The following NRG3 variants were observed in gnomAD, a reference collection of about 807,000 sequenced individuals.
The protein encoded by NRG3 is neuregulin 3.
A neutral mutation model predicts 66.9 loss-of-function variants in NRG3; 31 were observed. The observed-to-expected ratio is 0.46, with a 90% CI of 0.35 to 0.63. NRG3 has a LOEUF of 0.63. Ranked by LOEUF, NRG3 falls within the 20% of genes least tolerant of loss-of-function variation. The pLI, the probability that NRG3 is intolerant of heterozygous loss-of-function variation, is 0.00. For missense variants in NRG3, 910 were observed against 878.9 expected (o/e 1.04, Z -0.45); for synonymous variants, 393 against 359.4 (o/e 1.09, Z -1.06).
intron 4 of NRG3, among the ~76,000 whole-genome samples, chr10:82,900,836 A>C (rs1239739838): frequency 2.0e-5 from 3 of 152,202 alleles, no homozygotes; most frequent in African/African-American, 7.2e-5. Context: ...GATGACACAC[A>C]TTTTGATGAC....
chr10:81,965,140 A>G (rs2059683905), intron 1 of NRG3, among the ~76,000 whole-genome samples: 1 of 152,238 alleles, frequency 6.6e-6, no homozygotes, highest in African/African-American at 2.4e-5. Flanking sequence ...CTGAAGTATT[A>G]AAGGTCCATC....
At chr10:82,145,991 A>G (rs955576479) in intron 1 of NRG3, among the ~76,000 whole-genome samples, 2 of 152,206 alleles carry the variant, frequency 1.3e-5, no homozygotes, top group Admixed American at 6.5e-5. Context: ...TGAGGTGAAC[A>G]TTGTGATAAA....
At chr10:82,346,378 C>T (rs912762959) in intron 1 of NRG3, among the ~76,000 whole-genome samples, 4 of 140,522 alleles carry the variant, frequency 2.8e-5, no homozygotes, top group African/African-American at 6.1e-5. Context: ...TATTGATTTG[C>T]GTATATTGAA....
chr10:82,964,792 G>T (rs1054768071), intron 6 of NRG3, among the ~76,000 whole-genome samples: 1 of 152,112 alleles, frequency 6.6e-6, no homozygotes, highest in African/African-American at 2.4e-5. Flanking sequence ...CAGACCAGGC[G>T]ATTATCAGCA....
rs1446194160 is a variant in NRG3 at position 82,159,239 on chromosome 10, G to A, written c.824-199500G>A. ...CAAGTAACTAAGTTTCATATGCAAT[G>A]GTTCTCTATTGCACTCAGGAAATTA... is the stretch of plus-strand genomic sequence containing the variant. On this transcript the variant is annotated intron_variant, in intron 1 of 8. Transcript: ENST00000372141. Among the ~76,000 whole-genome samples, 4 of 151,802 alleles carry A rather than the reference G, an allele frequency of 2.6e-5. No individual in the cohort carries two copies. In the East Asian group the frequency reaches 7.7e-4, roughly 29 times the overall value.
At chr10:82,456,807 T>C (rs1177389903) in intron 2 of NRG3, among the ~76,000 whole-genome samples, 1 of 152,120 alleles carries the variant, frequency 6.6e-6, no homozygotes, top group Non-Finnish European at 1.5e-5. Context: ...GTCTCCTGAG[T>C]ACCGGGCCTG....
chr10:82,173,086 A>G (rs1297640591), intron 1 of NRG3, among the ~76,000 whole-genome samples: 1 of 152,146 alleles, frequency 6.6e-6, no homozygotes, highest in Non-Finnish European at 1.5e-5. Flanking sequence ...CACTACCATT[A>G]TAAAGCAAAG....
chr10:82,318,352 A>G (rs1411946340), intron 1 of NRG3, among the ~76,000 whole-genome samples: 1 of 152,126 alleles, frequency 6.6e-6, no homozygotes, highest in Non-Finnish European at 1.5e-5. Flanking sequence ...CCTTTCACAG[A>G]GTATATTTTC....
chr10:81,926,265 C>T (rs897087494), intron 1 of NRG3, among the ~76,000 whole-genome samples: 2 of 151,886 alleles, frequency 1.3e-5, no homozygotes, highest in Admixed American at 1.3e-4. Context: ...TTACAGGCAC[C>T]CGCAACCATA....
At chr10:81,988,721 G>A (rs2060621310) in intron 1 of NRG3, among the ~76,000 whole-genome samples, 1 of 152,036 alleles carries the variant, frequency 6.6e-6, no homozygotes, top group Non-Finnish European at 1.5e-5. Flanking sequence ...TGTTATATAG[G>A]ATATAACAGT....
intron 2 of NRG3, among the ~76,000 whole-genome samples, chr10:82,421,425 T>C (rs1443426662): frequency 6.6e-6 from 1 of 152,016 alleles, no homozygotes; most frequent in Non-Finnish European, 1.5e-5. Flanking sequence ...AAAAAGTCTA[T>C]GCGGCAACAA....
At chr10:82,744,015 G>A (rs973474958) in intron 3 of NRG3, among the ~76,000 whole-genome samples, 3 of 152,134 alleles carry the variant, frequency 2.0e-5, no homozygotes, top group African/African-American at 7.2e-5. Flanking sequence ...GCAAAGCACA[G>A]TTTATTTGGA....
chr10:82,942,286 T>A (rs916885695), intron 4 of NRG3, among the ~76,000 whole-genome samples: 6 of 152,208 alleles, frequency 3.9e-5, no homozygotes, highest in Non-Finnish European at 8.8e-5. Context: ...GGAAATAGTG[T>A]AACAAGAACT....
At chr10:82,111,978 C>T (rs1029062110) in intron 1 of NRG3, among the ~76,000 whole-genome samples, 15 of 152,230 alleles carry the variant, frequency 9.9e-5, no homozygotes, top group African/African-American at 3.1e-4. Context: ...CATGGTGGCT[C>T]ATGGCTGTAA....
chr10:82,443,651 C>T (rs755881091), intron 2 of NRG3, among the ~76,000 whole-genome samples: 1 of 152,182 alleles, frequency 6.6e-6, no homozygotes, highest in African/African-American at 2.4e-5. Context: ...TCCTCCTAAT[C>T]ACTGTTATAT....
At chr10:82,678,562 C>A (rs1470347987) in intron 2 of NRG3, among the ~76,000 whole-genome samples, 3 of 152,162 alleles carry the variant, frequency 2.0e-5, no homozygotes, top group Admixed American at 2.0e-4. Flanking sequence ...GATATGATAG[C>A]TTAGCTTGGG....
intron 2 of NRG3, among the ~76,000 whole-genome samples, chr10:82,671,270 A>C (rs2053250487): frequency 6.6e-6 from 1 of 152,206 alleles, no homozygotes; most frequent in African/African-American, 2.4e-5. Flanking sequence ...AGGAGAATGA[A>C]TCTCTGGCTG....
At chr10:82,698,740 G>T (rs1170438241) in intron 2 of NRG3, among the ~76,000 whole-genome samples, 3 of 152,112 alleles carry the variant, frequency 2.0e-5, no homozygotes, top group Non-Finnish European at 4.4e-5. Flanking sequence ...CAGAGCGGTT[G>T]TGAGGAACAA....
chr10:81,950,719 A>G (rs868606996), intron 1 of NRG3, among the ~76,000 whole-genome samples: 3 of 152,200 alleles, frequency 2.0e-5, no homozygotes, highest in African/African-American at 7.2e-5. Context: ...TGGCATGTTC[A>G]TGGTGAATAA....
Sources: gnomAD v4.1 joint callset for allele counts (sites outside exome capture counted in the v4.1 genomes callset) on GRCh38, gnomAD v4.1.1 for gene constraint, MANE v1.5 for transcripts, NCBI Gene and HGNC (gene_info 2026-07-23, HGNC 2026-07-21) for gene names.